SATB1: variants seen among roughly 807,000 people sequenced by gnomAD.
SATB1 encodes DNA-binding protein SATB1.
SATB1 carries 11 observed loss-of-function variants against 86.9 expected under a neutral mutation model. That is an observed-to-expected ratio of 0.13 (90% CI 0.08 to 0.21). The LOEUF (loss-of-function observed/expected upper bound fraction) is 0.21. Ranked by LOEUF, SATB1 falls within the 10% of genes least tolerant of loss-of-function variation. The probability of loss-of-function intolerance (pLI) is 1.00; values close to 1 mark genes in which losing one functional copy is unlikely to be tolerated. For synonymous variants in SATB1, 357 were observed against 357.2 expected (o/e 1.00, Z 0.01); for missense variants, 551 against 937.6 (o/e 0.59, Z 5.39).
chr3:18,382,027 G>T (rs1343574365), intron 8 of SATB1, among the ~76,000 whole-genome samples: 3 of 152,030 alleles, frequency 2.0e-5, no homozygotes, highest in African/African-American at 7.2e-5. Context: ...ATCTTCAAGG[G>T]ATTCATAAGA....
At position 18,445,309 on chromosome 3, in the gene SATB1, T is replaced by C. The variant is rs974312189; in HGVS notation, c.-25+209A>G. The C allele has an allele frequency of 9.2e-6, 9 of 982,832 alleles. No individual in the cohort carries two copies. In the South Asian group the frequency reaches 1.4e-4, roughly 15 times the overall value. 60.9% of individuals were successfully genotyped at this position (982,832 alleles called of 1,614,324 possible). On this transcript the variant is annotated intron_variant, in intron 1 of 3. Coordinates refer to the SATB1 transcript ENST00000415069. ...CCCGAGCCGCCGCCGCCGCCGCCGC[T>C]GCTGCGCACCGCTCCCGGGCTCCCT...
At chr3:18,392,774 AAT>A (rs2125111958) in intron 7 of SATB1, among the ~76,000 whole-genome samples, 2 of 152,178 alleles carry the variant, frequency 1.3e-5, no homozygotes, top group South Asian at 4.1e-4. Flanking sequence ...CAGAAACAGG[AAT>A]ATTTAGAGGG....
Position 18,394,956 on chromosome 3 carries a change from T to C in SATB1, c.752-40A>G, listed in dbSNP as rs199667791. 4.2e-4 allele frequency: 583 copies of C among 1,398,724 alleles called. 3 individuals are homozygous for C. The Middle Eastern group carries it at 0.011, about 28-fold the overall frequency. 86.6% of individuals were successfully genotyped at this position (1,398,724 alleles called of 1,614,324 possible). A position where few individuals can be genotyped will look rare whatever the true frequency, so the allele number is the denominator to read the frequency against. On this transcript the variant is annotated intron_variant, in intron 6 of 10. Coordinates refer to ENST00000338745, the MANE Select transcript of SATB1 (RefSeq NM_002971.6). This position sits in a 1 kb window ranked among gnomAD's most constrained non-coding sequence, Gnocchi z 5.9. ...GAGTAAAATCACATTCAGCCAACAA[T>C]GATTGGCATTGATAAAGATTTCTAA...
Position 18,347,192 on chromosome 3 carries a change from G to A in SATB1, c.*1978C>T, listed in dbSNP as rs1038535765. 7 of 152,116 alleles carry A rather than the reference G, an allele frequency of 4.6e-5. No homozygotes were observed. Among genetic ancestry groups the A allele is most frequent in the African/African-American group, 1.7e-4 (7 of 41,422 alleles). The allele number at this position is 152,116 out of a possible 1,614,324, so 9.4% of individuals were successfully genotyped here. Reference sequence around the variant, plus strand: ...CCTGAGAAGATGGTAGGCAGAAAGAGAAGGGGCAATTGCAAAATGGTATCT... The same window carrying A: ...CCTGAGAAGATGGTAGGCAGAAAGAAAAGGGGCAATTGCAAAATGGTATCT... On this transcript the variant is annotated 3_prime_UTR_variant, in exon 11 of 11. Transcript: ENST00000338745.
At position 18,385,627 on chromosome 3, in the gene SATB1, G is replaced by GAA. The variant is rs71839568; in HGVS notation, c.1419+770_1419+771dup. Among the ~76,000 whole-genome samples, 1,215 of 144,654 alleles carry GAA rather than the reference G, an allele frequency of 8.4e-3. 11 individuals carry two copies. Among genetic ancestry groups the GAA allele is most frequent in the African/African-American group, 0.026 (1,018 of 39,324 alleles). 94.9% of individuals were successfully genotyped at this position (144,654 alleles called of 152,430 possible). A position where few individuals can be genotyped will look rare whatever the true frequency, so the allele number is the denominator to read the frequency against. ...GACAGAGCGGCACTCCATCTCAAAA[G>GAA]AAAAAAAAAAAAAGATAATATATTT... On this transcript the variant is annotated intron_variant, in intron 8 of 10. Transcript: ENST00000338745.
chr3:18,426,242 A>G (rs1010849901), upstream of SATB1, among the ~76,000 whole-genome samples: 2 of 152,220 alleles, frequency 1.3e-5, no homozygotes, highest in African/African-American at 4.8e-5. This position sits in a 1 kb window ranked among gnomAD's most constrained non-coding sequence, Gnocchi z 4.2. Context: ...ACTGAGTAAG[A>G]GCGTTCTGTA....
chr3:18,364,980 T>C (rs1235442242), intron 9 of SATB1, among the ~76,000 whole-genome samples: 2 of 152,074 alleles, frequency 1.3e-5, no homozygotes, highest in Admixed American at 6.6e-5. Flanking sequence ...AGTACCCGCG[T>C]TGTGTATGTG....
chr3:18,353,683 T>C (rs374195318), intron 9 of SATB1, among the ~76,000 whole-genome samples: 2 of 152,154 alleles, frequency 1.3e-5, no homozygotes, highest in African/African-American at 4.8e-5. Flanking sequence ...AACTGCAATA[T>C]GTATAGTGGA....
At chr3:18,351,600 G>T in intron 10 of SATB1, 1 of 561,778 alleles carries the variant, frequency 1.8e-6, no homozygotes, top group Non-Finnish European at 3.1e-6. Flanking sequence ...TTCCTTTACA[G>T]CAACAGCGGT....
At chr3:18,389,732 G>A (rs1057291476) in intron 7 of SATB1, among the ~76,000 whole-genome samples, 1 of 152,032 alleles carries the variant, frequency 6.6e-6, no homozygotes, top group Non-Finnish European at 1.5e-5. Flanking sequence ...AGAATCATTG[G>A]CGCTCAATAA....
chr3:18,427,251 T>C (rs778772020), upstream of SATB1, among the ~76,000 whole-genome samples: 22 of 152,258 alleles, frequency 1.4e-4, no homozygotes, highest in Non-Finnish European at 1.9e-4. Context: ...GATACTTTAA[T>C]AGTTGCTTCA....
intron 9 of SATB1, among the ~76,000 whole-genome samples, chr3:18,372,104 T>G (rs1695503676): frequency 6.6e-6 from 1 of 152,236 alleles, no homozygotes; most frequent in African/African-American, 2.4e-5. Context: ...TGCTCTCATA[T>G]TAAAGCAGGT....
In SATB1 at chr3:18,394,768, A is replaced by G; in HGVS notation, c.900T>C (p.Leu300=). 1.9e-6 allele frequency: 3 copies of G among 1,614,072 alleles called. No homozygotes were observed. Among genetic ancestry groups the G allele is most frequent in the Non-Finnish European group, 2.5e-6 (3 of 1,180,008 alleles). ...ATACGAGCCCAGGGTGCAGGTTTGG[A>G]AGAGGTGTCCGGACAGAGGGCTGGC... ...HGSQPSVRTP[L]PNLHPGLVST... is the part of the protein sequence containing the mutation. The change falls in exon 7 of 11, where the codon CTT becomes CTC. Residue 300 remains leucine, a synonymous_variant. Coordinates refer to ENST00000338745, the MANE Select transcript of SATB1 (RefSeq NM_002971.6). The surrounding 1 kb of genome is among the most constrained non-coding windows in gnomAD (Gnocchi z 5.9).
At chr3:18,430,252 G>A (rs1046133797), upstream of SATB1, among the ~76,000 whole-genome samples, 6 of 152,272 alleles carry the variant, frequency 3.9e-5, no homozygotes, top group East Asian at 7.7e-4. Context: ...GCCAGGAGGA[G>A]TCTTAGAGGT....
chr3:18,417,266 C>A, intron 2 of SATB1, 188 bp from the exon 3 acceptor site: 1 of 588,376 alleles, frequency 1.7e-6, no homozygotes, highest in Admixed American at 3.5e-5. Flanking sequence ...TATTTAAAGT[C>A]GTAACAGAAA....
intron 5 of SATB1, among the ~76,000 whole-genome samples, chr3:18,405,212 ATTTGAT>A (rs1697461889): frequency 6.6e-6 from 1 of 151,974 alleles, no homozygotes; most frequent in African/African-American, 2.4e-5. Flanking sequence ...AAGGAATTTT[ATTTGAT>A]TTTATTGACA....
intron 6 of SATB1, among the ~76,000 whole-genome samples, chr3:18,395,970 AATC>A (rs1166143494): frequency 6.6e-6 from 1 of 152,222 alleles, no homozygotes; most frequent in African/African-American, 2.4e-5. Flanking sequence ...GTTTGATTTT[AATC>A]ATCAATTCTC....
intron 8 of SATB1, among the ~76,000 whole-genome samples, chr3:18,379,240 T>C (rs547743144): frequency 5.3e-5 from 8 of 152,242 alleles, no homozygotes; most frequent in Non-Finnish European, 1.0e-4. Flanking sequence ...ACTGATACTA[T>C]AATTCATGTT....
intron 5 of SATB1, among the ~76,000 whole-genome samples, chr3:18,410,181 G>C (rs1281569502): frequency 1.3e-5 from 2 of 151,902 alleles, no homozygotes; most frequent in African/African-American, 4.8e-5. Context: ...AAAAATCAAA[G>C]ACACAAAACC....
Sources: gnomAD v4.1 joint callset for allele counts (sites outside exome capture counted in the v4.1 genomes callset) on GRCh38, gnomAD v4.1.1 for gene constraint, Gnocchi (gnomAD v3.1) non-coding constraint, MANE v1.5 for transcripts, NCBI Gene and HGNC (gene_info 2026-07-23, HGNC 2026-07-21) for gene names.